Variants in LOC400499 observed in about 807,000 individuals in gnomAD.
the LOC400499 span, among the ~76,000 whole-genome samples, chr16:11,490,014 C>T: frequency 6.6e-6 from 1 of 152,164 alleles, no homozygotes; most frequent in Non-Finnish European, 1.5e-5. Context: ...ATAGTACAAA[C>T]TTCTGGCGGA....
At chr16:11,398,444 G>C in the LOC400499 span, 5 of 1,232,312 alleles carry the variant, frequency 4.1e-6, no homozygotes, top group Non-Finnish European at 5.1e-6. Context: ...GGGTACAAGA[G>C]GCCCCGAGGA....
the LOC400499 span, among the ~76,000 whole-genome samples, chr16:11,479,076 G>C: frequency 2.6e-5 from 4 of 152,144 alleles, no homozygotes; most frequent in African/African-American, 7.2e-5. Flanking sequence ...ATCTTCATCA[G>C]AAGCAAGAAA....
chr16:11,423,935 C>T, the LOC400499 span, among the ~76,000 whole-genome samples: 1 of 152,196 alleles, frequency 6.6e-6, no homozygotes, highest in African/African-American at 2.4e-5. Context: ...CAGCCCCTGG[C>T]GGCCACCCTC....
chr16:11,401,234 C>T, the LOC400499 span: 37 of 398,974 alleles, frequency 9.3e-5, no homozygotes, highest in Non-Finnish European at 1.5e-4. Context: ...CCTCCAGCCC[C>T]GGCCAAGGGC....
the LOC400499 span, chr16:11,448,215 A>G: frequency 0.81 from 858,101 of 1,058,734 alleles, 349,387 homozygotes; most frequent in South Asian, 0.85. Context: ...TACTGAACTG[A>G]GCCACAGCCT....
At chr16:11,394,793 C>A in the LOC400499 span, among the ~76,000 whole-genome samples, 2 of 152,140 alleles carry the variant, frequency 1.3e-5, no homozygotes, top group African/African-American at 4.8e-5. Context: ...TGGCAACCAC[C>A]AGAAGCTGGA....
the LOC400499 span, among the ~76,000 whole-genome samples, chr16:11,428,716 T>C: frequency 6.6e-6 from 1 of 152,152 alleles, no homozygotes; most frequent in East Asian, 1.9e-4. Context: ...TGCCTTAACC[T>C]CCTGGGAACG....
the LOC400499 span, among the ~76,000 whole-genome samples, chr16:11,428,624 CT>C: frequency 6.6e-6 from 1 of 152,290 alleles, no homozygotes; most frequent in Middle Eastern, 3.4e-3. Context: ...CGGCCGGCTT[CT>C]TTACTGAAAC....
chr16:11,460,486 G>A, the LOC400499 span: 143 of 1,524,392 alleles, frequency 9.4e-5, no homozygotes, highest in South Asian at 1.7e-4. Context: ...CCTTGTGGCT[G>A]AAGGCTAGGA....
chr16:11,393,037 G>A, the LOC400499 span, among the ~76,000 whole-genome samples: 1 of 152,026 alleles, frequency 6.6e-6, no homozygotes, highest in East Asian at 1.9e-4. Context: ...TCTATTTTTA[G>A]TAGAGATGGG....
the LOC400499 span, among the ~76,000 whole-genome samples, chr16:11,436,727 A>T: frequency 6.6e-6 from 1 of 151,988 alleles, no homozygotes; most frequent in African/African-American, 2.4e-5. Flanking sequence ...AGCTGGAAAT[A>T]CAAGTGCCCG....
the LOC400499 span, chr16:11,460,448 C>A: frequency 6.6e-7 from 1 of 1,506,022 alleles, no homozygotes. Context: ...GTGCTCTCTC[C>A]GGATGTCGCA....
At chr16:11,416,598 A>G in the LOC400499 span, among the ~76,000 whole-genome samples, 3 of 152,202 alleles carry the variant, frequency 2.0e-5, no homozygotes, top group Non-Finnish European at 4.4e-5. Context: ...AGCATAGAAA[A>G]ATGAAAAACA....
chr16:11,456,127 C>T, the LOC400499 span, among the ~76,000 whole-genome samples: 1 of 151,798 alleles, frequency 6.6e-6, no homozygotes, highest in East Asian at 1.9e-4. Flanking sequence ...TCACCGAAAC[C>T]TCCGCCTCCT....
chr16:11,378,275 G>GA, the LOC400499 span, among the ~76,000 whole-genome samples: 2 of 124,568 alleles, frequency 1.6e-5, no homozygotes, highest in African/African-American at 2.9e-5. Flanking sequence ...TTGCCGGGGG[G>GA]AGGGGGGAGG....
At chr16:11,376,127 T>C in the LOC400499 span, among the ~76,000 whole-genome samples, 11 of 152,338 alleles carry the variant, frequency 7.2e-5, no homozygotes, top group Non-Finnish European at 1.3e-4. Context: ...TTATCAGATA[T>C]AATTTGCACA....
At chr16:11,524,187 C>T in the LOC400499 span, among the ~76,000 whole-genome samples, 1 of 75,862 alleles carries the variant, frequency 1.3e-5, no homozygotes, top group Non-Finnish European at 2.6e-5. Context: ...CATCCATCCA[C>T]CCACCCACTA....
At chr16:11,431,584 T>G in the LOC400499 span, among the ~76,000 whole-genome samples, 1 of 152,062 alleles carries the variant, frequency 6.6e-6, no homozygotes. Context: ...TTTTGTACTT[T>G]TGGTAGAGAT....
the LOC400499 span, chr16:11,508,586 C>A: frequency 8.6e-5 from 34 of 396,732 alleles, no homozygotes; most frequent in Admixed American, 1.3e-4. Flanking sequence ...CACAACCTAC[C>A]CACCCATAGG....
Sources: gnomAD v4.1 joint callset for allele counts (sites outside exome capture counted in the v4.1 genomes callset) on GRCh38, gnomAD v4.1.1 for gene constraint, MANE v1.5 for transcripts.